AASDH: variants seen among roughly 807,000 people sequenced by gnomAD.
AASDH encodes beta-alanine-activating enzyme.
Under a neutral mutation model 102.3 loss-of-function variants are expected in AASDH, and 81 were observed. The observed-to-expected ratio is 0.79, with a 90% CI of 0.66 to 0.95. The LOEUF is 0.95. Ranked by LOEUF, AASDH falls within the 40% of genes least tolerant of loss-of-function variation. The probability of loss-of-function intolerance (pLI) is 0.00; values close to 1 mark genes in which losing one functional copy is unlikely to be tolerated. For synonymous variants in AASDH, 398 were observed against 454.0 expected (o/e 0.88, Z 1.57); for missense variants, 1,203 against 1,266.2 (o/e 0.95, Z 0.76).
chr4:56,338,792 C>T lies in AASDH; in HGVS notation c.2908-1G>A. On this transcript the variant is annotated splice_acceptor_variant, in intron 14 of 14. Coordinates refer to ENST00000205214, the MANE Select transcript of AASDH (RefSeq NM_181806.4). LOFTEE classifies it high-confidence loss of function. Reference sequence around the variant, plus strand: ...GTCCACTGGTAGAGAACTGCCAAACCTATAACAAGTAATAAAAATAAATAT... The same window carrying T: ...GTCCACTGGTAGAGAACTGCCAAACTTATAACAAGTAATAAAAATAAATAT... The T allele has an allele frequency of 6.2e-7, 1 of 1,612,082 alleles. No homozygotes were observed. The highest frequency in any genetic ancestry group is 1.1e-5 in the South Asian group (1 of 90,730).
At chr4:56,357,175 A>G (rs932477213) in intron 5 of AASDH, among the ~76,000 whole-genome samples, 2 of 152,164 alleles carry the variant, frequency 1.3e-5, no homozygotes, top group Non-Finnish European at 2.9e-5. Context: ...GGCTTACTAT[A>G]ACCAAAATAC....
intron 5 of AASDH, among the ~76,000 whole-genome samples, chr4:56,366,049 T>C (rs1353515585): frequency 6.6e-6 from 1 of 152,096 alleles, no homozygotes; most frequent in Non-Finnish European, 1.5e-5. Flanking sequence ...TCACCACCGA[T>C]CCCACAGAAA....
Position 56,378,374 on chromosome 4 carries a change from T to C in AASDH, c.442A>G (p.Asn148Asp), listed in dbSNP as rs999083709. 2 of 1,613,890 alleles carry C rather than the reference T, an allele frequency of 1.2e-6. No homozygotes were observed. The highest frequency in any genetic ancestry group is 1.7e-6 in the Non-Finnish European group (2 of 1,179,910). The change falls in exon 4 of 15, where the codon AAT becomes GAT. Residue 148 changes from asparagine to aspartate, a missense_variant. By Grantham distance (23) the Asn-to-Asp change is conservative (BLOSUM62 1). Coordinates refer to ENST00000205214, the MANE Select transcript of AASDH (RefSeq NM_181806.4). The part of the protein sequence containing the change: ...DLVLFRLHWK[N>D]TEVNLMLNDG... ...TTTAGCATCAAGTTCACCTCAGTAT[T>C]TTTCCAGTGAAGTCTGAAGAGCACT...
chr4:56,380,958 T>G (rs947595493), intron 3 of AASDH, among the ~76,000 whole-genome samples: 1 of 152,226 alleles, frequency 6.6e-6, no homozygotes, highest in Non-Finnish European at 1.5e-5. Flanking sequence ...TAAAAATACT[T>G]ACTGATCGTT....
At chr4:56,361,214 C>T (rs1030393426) in intron 5 of AASDH, among the ~76,000 whole-genome samples, 1 of 152,188 alleles carries the variant, frequency 6.6e-6, no homozygotes, top group African/African-American at 2.4e-5. Context: ...GAGTTCGAGA[C>T]CAGCCTAGCC....
rs1470279515 is a variant in AASDH, at chr4:56,376,326, AC to A, written c.668+1821del. ...AGGCATGAGCCACTGCACCCAGCCA[AC>A]CTCTCCCATCTTAAAGACAAAACAC... On this transcript the variant is annotated intron_variant, in intron 4 of 14. Coordinates refer to ENST00000205214, the MANE Select transcript of AASDH (RefSeq NM_181806.4). Among the ~76,000 whole-genome samples the A allele has an allele frequency of 4.6e-5, 7 of 152,176 alleles. No individual in the cohort carries two copies. In the East Asian group the frequency reaches 1.2e-3, roughly 25 times the overall value.
chr4:56,378,336 C>T lies in AASDH; in HGVS notation c.480G>A (p.Glu160=). ...EVNLMLNDGK[E]KYEKEKIKSI... is the part of the protein sequence containing the mutation. ...TTTTTATTTTTTCTTTTTCATATTT[C>T]TCTTTTCCATCATTTAGCATCAAGT... Residue 160 remains glutamate (E), a synonymous_variant, in exon 4 of 15, where the codon GAG becomes GAA. Coordinates refer to ENST00000205214, the MANE Select transcript of AASDH (RefSeq NM_181806.4). 6.2e-7 allele frequency: 1 copy of T among 1,613,946 alleles called. No homozygotes were observed. The highest frequency in any genetic ancestry group is 8.5e-7 in the Non-Finnish European group (1 of 1,179,934).
rs755040466 is a variant in AASDH at position 56,382,472 on chromosome 4, CTTACA to C, written c.351_351+4del. 1.0e-5 allele frequency: 16 copies of C among 1,547,860 alleles called. 1 individual carries two copies. The Admixed American group carries it at 1.4e-4, about 14-fold the overall frequency. The stretch of plus-strand genomic sequence containing the variant: ...GCAAAAAACAATTGAAACATCCAGA[CTTACA>C]TTAATTTGTTTTTTTTCAACAAGGA... On this transcript the variant is annotated splice_donor_variant and splice_donor_region_variant and coding_sequence_variant and intron_variant, in exon 3 of 15. Coordinates refer to ENST00000205214, the MANE Select transcript of AASDH (RefSeq NM_181806.4). LOFTEE classifies it high-confidence loss of function.
intron 5 of AASDH, among the ~76,000 whole-genome samples, chr4:56,364,193 A>T (rs920362713): frequency 6.6e-6 from 1 of 152,200 alleles, no homozygotes; most frequent in African/African-American, 2.4e-5. Flanking sequence ...AAATGAACAA[A>T]GCCTCCAAGA....
chr4:56,358,297 T>C (rs1204666683), intron 5 of AASDH, among the ~76,000 whole-genome samples: 1 of 151,800 alleles, frequency 6.6e-6, no homozygotes, highest in African/African-American at 2.4e-5. Context: ...CAACTGCATA[T>C]AAAGAGTTGT....
rs1477406121 is a variant in AASDH, at chr4:56,338,552, G to A, written c.3147C>T (p.Ile1049=). Residue 1049 remains isoleucine, a synonymous_variant, in exon 15 of 15, where the codon ATC becomes ATT. Transcript: ENST00000205214. ...GCAATTGTCCACTCTGAGATTCCAA[G>A]ATCCACACTTTCCCATCAGTAGATG... ...AAASTDGKVW[I]LESQSGQLQS... The A allele has an allele frequency of 6.2e-7, 1 of 1,613,968 alleles. No individual in the cohort carries two copies. Among genetic ancestry groups the A allele is most frequent in the South Asian group, 1.1e-5 (1 of 90,994 alleles).
chr4:56,362,334 G>T (rs147526666), intron 5 of AASDH, among the ~76,000 whole-genome samples: 5,282 of 151,922 alleles, frequency 0.035, 139 homozygotes, highest in Non-Finnish European at 0.047. Context: ...GTGTAATCTT[G>T]GCTCACTGCA....
At chr4:56,366,411 C>A (rs1466380930) in intron 5 of AASDH, among the ~76,000 whole-genome samples, 4 of 152,076 alleles carry the variant, frequency 2.6e-5, no homozygotes, top group Admixed American at 6.6e-5. Context: ...GGCAGAGACA[C>A]AACCAAAAAA....
At chr4:56,343,012 A>G (rs761472876) in intron 13 of AASDH, 46 bp from the exon 14 acceptor site, 2 of 1,488,910 alleles carry the variant, frequency 1.3e-6, no homozygotes, top group East Asian at 2.6e-5. Flanking sequence ...TCATCCTACT[A>G]ATCAGTTACC....
rs192778699 is a variant in AASDH, at chr4:56,346,044, G to A, written c.2489-754C>T. The stretch of plus-strand genomic sequence containing the variant: ...CTGCTTTTCCCAAATTGCTGCTATG[G>A]ATGAGAAGACAGGGCAGGAGTCCTT... On this transcript the variant is annotated intron_variant, in intron 11 of 14. Transcript: ENST00000205214. Among the ~76,000 whole-genome samples the A allele has an allele frequency of 2.1e-4, 32 of 152,330 alleles. No individual in the cohort carries two copies. In the East Asian group the frequency reaches 6.2e-3, roughly 29 times the overall value.
intron 4 of AASDH, among the ~76,000 whole-genome samples, chr4:56,375,352 C>G (rs951103767): frequency 1.3e-5 from 2 of 152,142 alleles, no homozygotes; most frequent in African/African-American, 2.4e-5. Context: ...TACTCCCTAG[C>G]TTAGTGATCT....
chr4:56,343,215 G>T (rs1175950957), intron 13 of AASDH, among the ~76,000 whole-genome samples: 1 of 152,092 alleles, frequency 6.6e-6, no homozygotes, highest in Admixed American at 6.6e-5. Flanking sequence ...TCCCTGTGAT[G>T]GACATAAAGT....
At chr4:56,363,411 G>C (rs565555122) in intron 5 of AASDH, among the ~76,000 whole-genome samples, 1 of 152,188 alleles carries the variant, frequency 6.6e-6, no homozygotes, top group African/African-American at 2.4e-5. Context: ...ATATGAGAAC[G>C]GGCAGACTGC....
At chr4:56,384,691 C>A (rs1421014046) in intron 1 of AASDH, among the ~76,000 whole-genome samples, 4 of 150,750 alleles carry the variant, frequency 2.7e-5, no homozygotes, top group Non-Finnish European at 5.9e-5. Context: ...ATTTAAAGGA[C>A]CCCACACTTA....
Sources: allele counts gnomAD v4.1 joint callset (sites outside exome capture counted in the v4.1 genomes callset), GRCh38; gene constraint gnomAD v4.1.1; transcripts MANE v1.5; gene names NCBI Gene and HGNC (gene_info 2026-07-23, HGNC 2026-07-21).